The following DISC1 variants were observed in gnomAD, a reference collection of about 807,000 sequenced individuals.
DISC1 encodes DISC1 scaffold protein.
A neutral mutation model predicts 84.5 loss-of-function variants in DISC1; 57 were observed. That is an observed-to-expected ratio of 0.67 (90% CI 0.55 to 0.84). DISC1 has a LOEUF of 0.84. Among genes scored for constraint, DISC1 ranks in the 40% least tolerant of loss-of-function variants. DISC1 has a pLI of 0.00. For synonymous variants in DISC1, 411 were observed against 415.2 expected, an observed-to-expected ratio of 0.99 and a Z score of 0.12; for missense variants, 1,000 against 1,057.8, an observed-to-expected ratio of 0.95 and a Z score of 0.76.
intron 11 of DISC1, among the ~76,000 whole-genome samples, chr1:232,025,213 G>A (rs946647468): frequency 1.3e-5 from 2 of 152,170 alleles, no homozygotes; most frequent in African/African-American, 4.8e-5. Flanking sequence ...TTGAAGGAAA[G>A]GCTGGGTTTC....
intron 3 of DISC1, among the ~76,000 whole-genome samples, chr1:231,740,664 T>C (rs2073137071): frequency 1.3e-5 from 2 of 152,186 alleles, no homozygotes; most frequent in African/African-American, 4.8e-5. Context: ...TTCCAATATT[T>C]TGGGGGGTTT....
intron 9 of DISC1, among the ~76,000 whole-genome samples, chr1:231,921,908 A>G (rs574926860): frequency 4.0e-5 from 6 of 149,434 alleles, no homozygotes; most frequent in African/African-American, 1.5e-4. Flanking sequence ...TAGAGTCACC[A>G]TGCTCTGCAA....
At chr1:231,872,089 G>T (rs925375032) in intron 9 of DISC1, among the ~76,000 whole-genome samples, 4 of 152,216 alleles carry the variant, frequency 2.6e-5, no homozygotes, top group African/African-American at 7.2e-5. Context: ...TTCAGTCGGT[G>T]AACAGCGTGA....
At chr1:231,877,074 A>C (rs779523240) in intron 9 of DISC1, among the ~76,000 whole-genome samples, 3 of 152,238 alleles carry the variant, frequency 2.0e-5, no homozygotes, top group Admixed American at 6.5e-5. Context: ...TCAAGTCAGC[A>C]GTCACAAGGA....
chr1:231,712,745 A>C (rs1280330928), intron 3 of DISC1, among the ~76,000 whole-genome samples: 4 of 152,208 alleles, frequency 2.6e-5, no homozygotes, highest in Non-Finnish European at 5.9e-5. Context: ...ATCTCTGCTT[A>C]GCCTAACTTA....
intron 1 of DISC1, among the ~76,000 whole-genome samples, chr1:231,632,478 G>A (rs948286938): frequency 2.0e-5 from 3 of 152,190 alleles, no homozygotes; most frequent in African/African-American, 7.2e-5. Context: ...AAATAAGACA[G>A]TAAACTCCTC....
At chr1:231,822,416 CCTAAACTCAT>C (rs2081560826) in intron 9 of DISC1, among the ~76,000 whole-genome samples, 1 of 152,056 alleles carries the variant, frequency 6.6e-6, no homozygotes, top group Admixed American at 6.5e-5. Context: ...CTGTGCCCAG[CCTAAACTCAT>C]TTGTCTTTCG....
chr1:231,938,794 C>T (rs2091131264), intron 9 of DISC1, among the ~76,000 whole-genome samples: 1 of 152,188 alleles, frequency 6.6e-6, no homozygotes. Context: ...GGTCCCTATT[C>T]CCCATTCTGC....
intron 1 of DISC1, among the ~76,000 whole-genome samples, chr1:231,642,911 C>G (rs966614621): frequency 6.6e-6 from 1 of 152,214 alleles, no homozygotes; most frequent in African/African-American, 2.4e-5. Flanking sequence ...GAAATAGTCA[C>G]AGTGAAAATC....
At chr1:231,646,855 C>A (rs1407510527) in intron 1 of DISC1, among the ~76,000 whole-genome samples, 2 of 152,164 alleles carry the variant, frequency 1.3e-5, no homozygotes, top group East Asian at 3.9e-4. Flanking sequence ...GCATAAATGT[C>A]TTCTTTTGAG....
chr1:231,802,226 G>T (rs1049262490), intron 8 of DISC1, among the ~76,000 whole-genome samples: 2 of 152,114 alleles, frequency 1.3e-5, no homozygotes, highest in Admixed American at 6.5e-5. Flanking sequence ...ACATTCAAGG[G>T]AGGGACCTGG....
intron 1 of DISC1, among the ~76,000 whole-genome samples, chr1:231,633,005 A>G (rs184211313): frequency 4.2e-4 from 64 of 152,310 alleles, no homozygotes; most frequent in Admixed American, 1.3e-3. Context: ...TGGGAGGCAG[A>G]GGTTGCAGTG....
At chr1:231,870,459 G>C (rs1335964907) in intron 9 of DISC1, among the ~76,000 whole-genome samples, 2 of 152,188 alleles carry the variant, frequency 1.3e-5, no homozygotes, top group African/African-American at 4.8e-5. Flanking sequence ...TAAGTAGTTG[G>C]CCAGAGTGTG....
At chr1:231,639,280 A>G (rs202112341) in intron 1 of DISC1, among the ~76,000 whole-genome samples, 7 of 152,328 alleles carry the variant, frequency 4.6e-5, no homozygotes, top group Non-Finnish European at 1.0e-4. Context: ...CGTGAGAGAA[A>G]AATGTCCATT....
At chr1:231,920,943 G>T (rs547158244) in intron 9 of DISC1, among the ~76,000 whole-genome samples, 1 of 130,290 alleles carries the variant, frequency 7.7e-6, no homozygotes, top group Non-Finnish European at 1.5e-5. Flanking sequence ...GTCTTACTCT[G>T]TCACCCAGGC....
intron 3 of DISC1, 71 bp from the exon 4 acceptor site, chr1:231,749,855 G>C (rs2074412254): frequency 6.2e-7 from 1 of 1,600,756 alleles, no homozygotes; most frequent in South Asian, 1.1e-5. Context: ...CTGGAGCTAA[G>C]AGACACCGGG....
intron 1 of DISC1, among the ~76,000 whole-genome samples, chr1:231,641,857 C>G (rs1055465796): frequency 2.6e-5 from 4 of 152,226 alleles, no homozygotes; most frequent in African/African-American, 9.6e-5. Flanking sequence ...CTCCAAGGCC[C>G]CACCAGACTC....
chr1:231,662,951 C>T (rs1223731056), intron 1 of DISC1, among the ~76,000 whole-genome samples: 1 of 151,516 alleles, frequency 6.6e-6, no homozygotes, highest in African/African-American at 2.4e-5. Flanking sequence ...TAAGTCCTTC[C>T]ATATTAGTAA....
chr1:231,904,565 G>A (rs1213570059), intron 9 of DISC1, among the ~76,000 whole-genome samples: 1 of 152,132 alleles, frequency 6.6e-6, no homozygotes, highest in Non-Finnish European at 1.5e-5. Context: ...TACACAGATA[G>A]ATACAGGAAT....
Sources: allele counts gnomAD v4.1 joint callset (sites outside exome capture counted in the v4.1 genomes callset), GRCh38; gene constraint gnomAD v4.1.1; transcripts MANE v1.5; gene names NCBI Gene and HGNC (gene_info 2026-07-23, HGNC 2026-07-21).